Variants in TRIM5 observed in about 807,000 individuals in gnomAD.
TRIM5 encodes tripartite motif-containing protein 5.
In TRIM5, 31 loss-of-function variants were observed where a neutral mutation model predicts 35.6. That is an observed-to-expected ratio of 0.87 (90% CI 0.65 to 1.18). The LOEUF (loss-of-function observed/expected upper bound fraction) is 1.18. Among genes scored for constraint, TRIM5 ranks in the 50% most tolerant of loss-of-function variants. The pLI, the probability that TRIM5 is intolerant of heterozygous loss-of-function variation, is 0.00. For synonymous variants in TRIM5, 243 were observed against 215.6 expected (o/e 1.13, Z -1.11); for missense variants, 609 against 591.6 (o/e 1.03, Z -0.31).
chr11:5,679,749 C>T lies in TRIM5; in HGVS notation c.417+12G>A, dbSNP rs752883809. 23 of 1,558,194 alleles carry T rather than the reference C, an allele frequency of 1.5e-5. No individual in the cohort carries two copies. In the Admixed American group the frequency reaches 2.2e-4, roughly 15 times the overall value. Reference sequence around the variant, plus strand: ...TTTTCTGCCCTCTCTTCCTTCCATCCCAGTCTCTTACTTGGTACTCCCGGG... The same window carrying T: ...TTTTCTGCCCTCTCTTCCTTCCATCTCAGTCTCTTACTTGGTACTCCCGGG... On this transcript the variant is annotated intron_variant, in intron 2 of 7. Transcript: ENST00000380034.
the TRIM5 span, chr11:5,611,128 CTT>C: frequency 6.2e-7 from 1 of 1,614,150 alleles, no homozygotes; most frequent in East Asian, 2.2e-5. Context: ...TATGAGGATT[CTT>C]CCCCTTCCCT....
At chr11:5,631,764 T>C in the TRIM5 span, among the ~76,000 whole-genome samples, 3 of 152,220 alleles carry the variant, frequency 2.0e-5, no homozygotes, top group Non-Finnish European at 4.4e-5. Flanking sequence ...GGGAAGTTTT[T>C]TTTATATGTT....
chr11:5,635,448 G>C, the TRIM5 span, among the ~76,000 whole-genome samples: 2 of 151,864 alleles, frequency 1.3e-5, no homozygotes, highest in African/African-American at 4.8e-5. Context: ...AGTAAACATG[G>C]GGTTTCACCG....
chr11:5,634,877 C>T, the TRIM5 span: 1 of 1,607,254 alleles, frequency 6.2e-7, no homozygotes, highest in African/African-American at 1.3e-5. Context: ...AAGGTTCGCT[C>T]AATCTGAGAT....
the TRIM5 span, among the ~76,000 whole-genome samples, chr11:5,601,619 A>G: frequency 6.6e-6 from 1 of 152,236 alleles, no homozygotes; most frequent in African/African-American, 2.4e-5. Flanking sequence ...TTAGCTGGGC[A>G]TGGTGGCGCT....
chr11:5,599,326 G>A, the TRIM5 span, among the ~76,000 whole-genome samples: 1 of 152,152 alleles, frequency 6.6e-6, no homozygotes, highest in Middle Eastern at 3.4e-3. Flanking sequence ...TGTGTTTGTT[G>A]GGGAGGATGA....
chr11:5,637,681 C>T, the TRIM5 span, among the ~76,000 whole-genome samples: 2 of 152,016 alleles, frequency 1.3e-5, no homozygotes, highest in Non-Finnish European at 2.9e-5. Context: ...AAGTGGGATC[C>T]CTCTCTGGAC....
the TRIM5 span, among the ~76,000 whole-genome samples, chr11:5,592,253 T>A: frequency 6.6e-6 from 1 of 152,246 alleles, no homozygotes; most frequent in Non-Finnish European, 1.5e-5. Flanking sequence ...CCCTGCCAAA[T>A]GCTTGGTACT....
chr11:5,634,329 A>C, the TRIM5 span, among the ~76,000 whole-genome samples: 540 of 152,104 alleles, frequency 3.6e-3, 2 homozygotes, highest in Non-Finnish European at 3.8e-3. Flanking sequence ...TAGATAAGAC[A>C]GTTTGAGGTC....
chr11:5,609,866 T>G, the TRIM5 span, among the ~76,000 whole-genome samples: 1 of 152,074 alleles, frequency 6.6e-6, no homozygotes, highest in Non-Finnish European at 1.5e-5. Flanking sequence ...GAGGTTGCAG[T>G]GAGCCGAGAT....
the TRIM5 span, among the ~76,000 whole-genome samples, chr11:5,649,170 C>T: frequency 2.0e-5 from 3 of 152,182 alleles, no homozygotes; most frequent in South Asian, 2.1e-4. Flanking sequence ...TGAGGACCAG[C>T]AATTCAGGAT....
the TRIM5 span, among the ~76,000 whole-genome samples, chr11:5,641,623 G>A: frequency 3.3e-5 from 5 of 152,164 alleles, no homozygotes; most frequent in African/African-American, 7.2e-5. Context: ...AGAAGGTACC[G>A]GATCATTATG....
chr11:5,591,941 A>C, the TRIM5 span, among the ~76,000 whole-genome samples: 2 of 152,164 alleles, frequency 1.3e-5, no homozygotes, highest in Admixed American at 1.3e-4. Context: ...ATGACACTTA[A>C]AAGTTAAACC....
At chr11:5,608,847 A>ATTTTTTT in the TRIM5 span, among the ~76,000 whole-genome samples, 6,737 of 101,534 alleles carry the variant, frequency 0.066, 716 homozygotes, top group African/African-American at 0.15. Flanking sequence ...TTGCCCATAA[A>ATTTTTTT]TTTTTTTTTT....
At chr11:5,678,127 A>G in intron 4 of TRIM5, 77 bp downstream of exon 4, 1 of 1,267,076 alleles carries the variant, frequency 7.9e-7, no homozygotes, top group African/African-American at 1.5e-5. Flanking sequence ...ATATTAGAAA[A>G]AGCACAGCAA....
downstream of TRIM5, among the ~76,000 whole-genome samples, chr11:5,659,223 T>C (rs1007926573): frequency 6.6e-6 from 1 of 152,186 alleles, no homozygotes; most frequent in African/African-American, 2.4e-5. Context: ...TAGAGGTTGC[T>C]GTGGGGTTAG....
chr11:5,632,266 T>G, the TRIM5 span: 1 of 1,607,016 alleles, frequency 6.2e-7, no homozygotes, highest in South Asian at 1.1e-5. Context: ...CATCCAGGGG[T>G]CTTTAACCAG....
At chr11:5,632,230 T>C in the TRIM5 span, 1 of 1,572,144 alleles carries the variant, frequency 6.4e-7, no homozygotes, top group Non-Finnish European at 8.6e-7. Flanking sequence ...ACCATTCTTA[T>C]ACCATCCCCT....
the TRIM5 span, among the ~76,000 whole-genome samples, chr11:5,592,932 A>AAAAG: frequency 9.0e-6 from 1 of 110,694 alleles, no homozygotes; most frequent in African/African-American, 4.6e-5. Flanking sequence ...AAAAAAAAAG[A>AAAAG]AAAAAGAAAA....
Sources: allele counts gnomAD v4.1 joint callset (sites outside exome capture counted in the v4.1 genomes callset), GRCh38; gene constraint gnomAD v4.1.1; transcripts MANE v1.5; gene names NCBI Gene and HGNC (gene_info 2026-07-23, HGNC 2026-07-21).